Variants in TENM1 observed in about 807,000 individuals in gnomAD.
The protein encoded by TENM1 is teneurin-1.
TENM1 carries 35 observed loss-of-function variants against 174.8 expected under a neutral mutation model. That is an observed-to-expected ratio of 0.20 (90% CI 0.15 to 0.27). The LOEUF is 0.27. Among genes scored for constraint, TENM1 ranks in the 10% least tolerant of loss-of-function variants. TENM1 has a pLI of 1.00. For synonymous variants in TENM1, 781 were observed against 798.7 expected, an observed-to-expected ratio of 0.98 and a Z score of 0.37; for missense variants, 1,633 against 2,130.1, an observed-to-expected ratio of 0.77 and a Z score of 4.59.
intron 3 of TENM1, among the ~76,000 whole-genome samples, chrX:124,879,673 T>A (rs1260175226): frequency 8.9e-6 from 1 of 112,050 alleles, no homozygotes; most frequent in Non-Finnish European, 1.9e-5. Context: ...GTTCTATTTT[T>A]AGTTTGTTGA....
At chrX:125,080,232 A>C in the TENM1 span, among the ~76,000 whole-genome samples, 1 of 111,695 alleles carries the variant, frequency 9.0e-6, no homozygotes, top group Admixed American at 9.5e-5. Flanking sequence ...ATAAAAAATA[A>C]AATAAGTATA....
the TENM1 span, among the ~76,000 whole-genome samples, chrX:125,121,273 G>A: frequency 9.0e-6 from 1 of 111,094 alleles, no homozygotes; most frequent in Non-Finnish European, 1.9e-5. Context: ...ATGGGGTAGG[G>A]AACGAGGTTG....
chrX:124,984,699 G>T, the TENM1 span, among the ~76,000 whole-genome samples: 3 of 112,021 alleles, frequency 2.7e-5, no homozygotes, highest in African/African-American at 9.7e-5. Flanking sequence ...TTTCTAGATA[G>T]AAGCTAACAA....
the TENM1 span, among the ~76,000 whole-genome samples, chrX:125,090,594 G>A: frequency 9.0e-6 from 1 of 111,434 alleles, no homozygotes; most frequent in Admixed American, 9.5e-5. Flanking sequence ...GTTAGAGGCT[G>A]CAGTGAGCCA....
chrX:124,487,451 G>A (rs1357088920), intron 20 of TENM1, among the ~76,000 whole-genome samples: 3 of 112,146 alleles, frequency 2.7e-5, no homozygotes, highest in African/African-American at 9.7e-5. Context: ...TGCATATTTT[G>A]TTTGGTGGAT....
chrX:124,442,727 A>G (rs1236350602), intron 23 of TENM1, among the ~76,000 whole-genome samples: 1 of 111,435 alleles, frequency 9.0e-6, no homozygotes, highest in Admixed American at 9.5e-5. Context: ...CAGTGGCACA[A>G]TCACAGCCCA....
At chrX:124,683,051 AT>A (rs1436270198) in intron 5 of TENM1, among the ~76,000 whole-genome samples, 1 of 111,951 alleles carries the variant, frequency 8.9e-6, no homozygotes, top group East Asian at 2.8e-4. Context: ...ATCTAAAAAA[AT>A]ATATGAGAAA....
At chrX:124,532,032 T>A (rs1459646137) in intron 15 of TENM1, among the ~76,000 whole-genome samples, 2 of 111,294 alleles carry the variant, frequency 1.8e-5, no homozygotes, top group East Asian at 5.6e-4. Flanking sequence ...GCCAAACAAT[T>A]TAGAAATTAG....
the TENM1 span, among the ~76,000 whole-genome samples, chrX:125,138,869 C>T: frequency 1.8e-5 from 2 of 110,669 alleles, no homozygotes; most frequent in South Asian, 3.9e-4. Context: ...TCTAATATAA[C>T]ATGATTTGCC....
At position 124,514,498 on chromosome X, in the gene TENM1, A is replaced by G. The variant is rs2047654203; in HGVS notation, c.3301+6019T>C. On this transcript the variant is annotated intron_variant, in intron 18 of 31. Transcript: ENST00000422452. ...AAGAGAGAAGGTCCAAATAAATACA[A>G]CTAGAAACAACAAAGGGGATGCTAC... Among the ~76,000 whole-genome samples the G allele has an allele frequency of 3.6e-5, 4 of 111,155 alleles. No homozygotes were observed. In the South Asian group the frequency reaches 1.5e-3, roughly 42 times the overall value.
the TENM1 span, among the ~76,000 whole-genome samples, chrX:125,140,862 C>T: frequency 1.8e-5 from 2 of 112,017 alleles, no homozygotes; most frequent in African/African-American, 6.5e-5. Flanking sequence ...TTGAGCTAAA[C>T]ACATCAACCA....
intron 18 of TENM1, among the ~76,000 whole-genome samples, chrX:124,506,639 G>A (rs185439581): frequency 6.4e-4 from 71 of 111,105 alleles, no homozygotes; most frequent in Non-Finnish European, 9.4e-4. Flanking sequence ...GCTGTGTGTC[G>A]GGGTATTTTC....
At chrX:125,025,407 A>AGAT in the TENM1 span, among the ~76,000 whole-genome samples, 2 of 111,916 alleles carry the variant, frequency 1.8e-5, no homozygotes, top group African/African-American at 3.3e-5. Flanking sequence ...AAGAAATGAA[A>AGAT]GATAGTGTAT....
the TENM1 span, among the ~76,000 whole-genome samples, chrX:125,120,425 T>C: frequency 9.0e-6 from 1 of 110,895 alleles, no homozygotes; most frequent in African/African-American, 3.3e-5. Flanking sequence ...AGCTAGGTAT[T>C]AAGCCCAGCA....
At chrX:125,193,446 C>A in the TENM1 span, among the ~76,000 whole-genome samples, 2 of 111,677 alleles carry the variant, frequency 1.8e-5, no homozygotes. Flanking sequence ...GACTCAAACT[C>A]ACGGGACCAA....
intron 19 of TENM1, among the ~76,000 whole-genome samples, chrX:124,503,036 C>T (rs931544593): frequency 4.5e-5 from 5 of 111,694 alleles, no homozygotes; most frequent in Admixed American, 2.9e-4. Context: ...GGCTTCAGTA[C>T]ATTCTGATCC....
chrX:124,651,790 C>G, intron 8 of TENM1, 124 bp downstream of exon 11: 1 of 978,499 alleles, frequency 1.0e-6, no homozygotes, highest in Non-Finnish European at 1.4e-6. Context: ...AGTAACCTTT[C>G]CTCAATAATG....
At chrX:124,733,203 A>T (rs2053602847) in intron 4 of TENM1, among the ~76,000 whole-genome samples, 1 of 112,204 alleles carries the variant, frequency 8.9e-6, no homozygotes, top group Non-Finnish European at 1.9e-5. Flanking sequence ...AAGGGCTGTC[A>T]GTTGTAAGGG....
the TENM1 span, among the ~76,000 whole-genome samples, chrX:125,177,047 T>C: frequency 9.0e-6 from 1 of 110,952 alleles, no homozygotes; most frequent in Admixed American, 9.6e-5. Flanking sequence ...GGTGTAAAAT[T>C]AAACAAAATT....
Sources: allele counts gnomAD v4.1 joint callset (sites outside exome capture counted in the v4.1 genomes callset), GRCh38; gene constraint gnomAD v4.1.1; transcripts MANE v1.5; gene names NCBI Gene and HGNC (gene_info 2026-07-23, HGNC 2026-07-21).